The following THRB variants were observed in gnomAD, a reference collection of about 807,000 sequenced individuals.
The protein encoded by THRB is nuclear receptor subfamily 1 group A member 2.
In THRB, 12 loss-of-function variants were observed where a neutral mutation model predicts 47.8. The ratio of observed to expected loss-of-function variants is 0.25; its 90% CI spans 0.16 to 0.41. The LOEUF (loss-of-function observed/expected upper bound fraction) is 0.41. THRB is among the 10% of genes least tolerant of loss of function. The pLI is 1.00. For synonymous variants in THRB, 218 were observed against 212.2 expected (o/e 1.03, Z -0.24); for missense variants, 348 against 589.2 (o/e 0.59, Z 4.24).
At chr3:24,182,381 A>C (rs1302061372) in intron 5 of THRB, among the ~76,000 whole-genome samples, 1 of 152,092 alleles carries the variant, frequency 6.6e-6, no homozygotes, top group Non-Finnish European at 1.5e-5. Context: ...TACCTTTCCA[A>C]CTTCAGTGCT....
chr3:24,358,509 CATTA>C (rs1186292003), intron 1 of THRB, among the ~76,000 whole-genome samples: 8 of 152,140 alleles, frequency 5.3e-5, no homozygotes, highest in Admixed American at 2.6e-4. Context: ...ATTGACCCAA[CATTA>C]ATTAAAGAAT....
At chr3:24,464,287 T>G (rs1014881281) in intron 1 of THRB, among the ~76,000 whole-genome samples, 2 of 151,932 alleles carry the variant, frequency 1.3e-5, no homozygotes, top group Non-Finnish European at 2.9e-5. Context: ...ATGGTTGCAT[T>G]AGTTTGGTTA....
Position 24,405,089 on chromosome 3 carries a change from CT to C in THRB, c.-260-67719del, listed in dbSNP as rs548447930. On this transcript the variant is annotated intron_variant, in intron 1 of 10. Coordinates refer to ENST00000646209, the MANE Select transcript of THRB (RefSeq NM_001354712.2). ...AACAATTTTATATGTTTACTGGTGA[CT>C]TTAGTTTCTGTTTTCGTGGGTTGTT... Among the ~76,000 whole-genome samples, 927 of 151,972 alleles carry C rather than the reference CT, an allele frequency of 6.1e-3. 10 individuals carry two copies. Among genetic ancestry groups the C allele is most frequent in the African/African-American group, 0.021 (863 of 41,514 alleles).
intron 3 of THRB, 40 bp from the exon 4 acceptor site, chr3:24,229,041 C>A: frequency 8.5e-7 from 1 of 1,172,484 alleles, no homozygotes; most frequent in Non-Finnish European, 1.3e-6. Context: ...AGATTATAAT[C>A]TGCATTTTCC....
intron 1 of THRB, among the ~76,000 whole-genome samples, chr3:24,347,874 A>G (rs918477649): frequency 6.6e-6 from 1 of 152,130 alleles, no homozygotes; most frequent in Non-Finnish European, 1.5e-5. Flanking sequence ...AAACTGCTGG[A>G]GAGTGAGTTC....
chr3:24,328,333 A>T (rs1187542868), intron 2 of THRB, among the ~76,000 whole-genome samples: 1 of 152,228 alleles, frequency 6.6e-6, no homozygotes, highest in African/African-American at 2.4e-5. Flanking sequence ...ATATAAATAC[A>T]AGTGATTAAT....
chr3:24,173,493 C>T (rs1167922316), intron 5 of THRB, among the ~76,000 whole-genome samples: 1 of 152,172 alleles, frequency 6.6e-6, no homozygotes, highest in Non-Finnish European at 1.5e-5. Flanking sequence ...AACTTTATCA[C>T]TGTCACTCCA....
intron 1 of THRB, among the ~76,000 whole-genome samples, chr3:24,451,617 C>A (rs747507978): frequency 2.0e-5 from 3 of 152,184 alleles, no homozygotes; most frequent in Non-Finnish European, 4.4e-5. Context: ...TCTCTTTCAC[C>A]TGCTCCTGAC....
chr3:24,303,899 A>C (rs778923066), intron 2 of THRB, among the ~76,000 whole-genome samples: 20 of 152,302 alleles, frequency 1.3e-4, no homozygotes, highest in Non-Finnish European at 2.4e-4. Flanking sequence ...ATTTCGATAG[A>C]TTTCCTAATT....
chr3:24,165,590 C>T (rs932071073), intron 5 of THRB: 2 of 470,702 alleles, frequency 4.2e-6, no homozygotes, highest in East Asian at 6.8e-5. Flanking sequence ...CTTTTGAGCT[C>T]TTCTGCCATC....
chr3:24,311,338 G>C (rs1266878575), intron 2 of THRB, among the ~76,000 whole-genome samples: 1 of 152,172 alleles, frequency 6.6e-6, no homozygotes, highest in Admixed American at 6.5e-5. Flanking sequence ...AATGAAAGAA[G>C]AACTTGCTTG....
At chr3:24,397,797 C>G (rs1210399755) in intron 1 of THRB, among the ~76,000 whole-genome samples, 1 of 151,866 alleles carries the variant, frequency 6.6e-6, no homozygotes, top group Non-Finnish European at 1.5e-5. Context: ...GTTGGTCAGG[C>G]TGGTTTCAAA....
At chr3:24,146,974 G>A in intron 6 of THRB, 152 bp from the exon 7 acceptor site, 1 of 686,134 alleles carries the variant, frequency 1.5e-6, no homozygotes, top group Non-Finnish European at 2.5e-6. Context: ...ATATAAGACA[G>A]TTGGCCCAGA....
intron 1 of THRB, among the ~76,000 whole-genome samples, chr3:24,369,550 T>C (rs933530607): frequency 2.0e-5 from 3 of 151,704 alleles, no homozygotes; most frequent in Admixed American, 2.0e-4. Flanking sequence ...CGGCATACGA[T>C]AGAAGTCTAT....
chr3:24,156,805 G>A (rs2037928596), intron 5 of THRB, among the ~76,000 whole-genome samples: 1 of 152,124 alleles, frequency 6.6e-6, no homozygotes, highest in African/African-American at 2.4e-5. Context: ...TCATCCTGCA[G>A]CTCAGACCTG....
At chr3:24,218,340 C>CAA (rs1553648986) in intron 4 of THRB, among the ~76,000 whole-genome samples, 1 of 117,278 alleles carries the variant, frequency 8.5e-6, no homozygotes, top group Admixed American at 8.5e-5. Flanking sequence ...CTCTCTCTCT[C>CAA]TCTTTTTTTT....
rs560518852 is a variant in THRB, at chr3:24,361,498, C to T, written c.-260-24127G>A. 9.2e-5 allele frequency among the ~76,000 whole-genome samples: 14 copies of T among 152,194 alleles called. No individual in the cohort carries two copies. The South Asian group carries it at 2.9e-3, about 32-fold the overall frequency. On this transcript the variant is annotated intron_variant, in intron 1 of 10. Transcript: ENST00000646209. Reference sequence around the variant, plus strand: ...TGTCCCAAAAAGAGGGGGCAGGAGGCATTTGGAAATTCTGGGAAGAAAGAT... The same window carrying T: ...TGTCCCAAAAAGAGGGGGCAGGAGGTATTTGGAAATTCTGGGAAGAAAGAT...
At chr3:24,341,063 C>T (rs1247967034) in intron 1 of THRB, among the ~76,000 whole-genome samples, 1 of 151,584 alleles carries the variant, frequency 6.6e-6, no homozygotes, top group Non-Finnish European at 1.5e-5. Flanking sequence ...CACATTATAT[C>T]TTCTAGAGAA....
At chr3:24,209,320 T>G (rs573030082) in intron 4 of THRB, among the ~76,000 whole-genome samples, 9 of 152,326 alleles carry the variant, frequency 5.9e-5, no homozygotes, top group African/African-American at 2.2e-4. Flanking sequence ...GCCATCCCAT[T>G]ACTGGGTATA....
Sources: allele counts gnomAD v4.1 joint callset (sites outside exome capture counted in the v4.1 genomes callset), GRCh38; gene constraint gnomAD v4.1.1; transcripts MANE v1.5; gene names NCBI Gene and HGNC (gene_info 2026-07-23, HGNC 2026-07-21).